Variants in INSL6 observed in about 807,000 individuals in gnomAD.
INSL6 encodes the protein insulin like 6, also known as insulin-like peptide INSL6.
Under a neutral mutation model 9.4 loss-of-function variants are expected in INSL6, and 16 were observed. The ratio of observed to expected loss-of-function variants is 1.70; its 90% confidence interval spans 1.15 to 2.59. INSL6 has a LOEUF of 2.59. Among genes scored for constraint, INSL6 ranks in the 30% most tolerant of loss-of-function variants. INSL6 has a pLI of 0.00. For missense variants in INSL6, 391 were observed against 257.3 expected, an observed-to-expected ratio of 1.52 and a Z score of -3.56; for synonymous variants, 154 against 96.9, an observed-to-expected ratio of 1.59 and a Z score of -3.46.
chr9:5,107,180 T>C, the INSL6 span, among the ~76,000 whole-genome samples: 48 of 152,250 alleles, frequency 3.2e-4, 1 homozygote, highest in African/African-American at 6.0e-4. Flanking sequence ...AAGAGTACCA[T>C]TGACTTCCAA....
the INSL6 span, chr9:5,072,518 T>C: frequency 5.0e-6 from 8 of 1,596,676 alleles, no homozygotes; most frequent in Non-Finnish European, 5.1e-6. Context: ...AAGGCACTTT[T>C]ACAAAGATTT....
rs759236184 is a variant in INSL6 at position 5,185,533 on chromosome 9, T to G, written c.70A>C (p.Ser24Arg). ...LLLVRFSREL[S>R]DISSARKLCG... ...AGCTTCCTGGCACTGCTGATGTCGC[T>G]CAGTTCACGAGAAAACCGAACCAGC... The change falls in exon 1 of 2, where the codon AGC becomes CGC. Residue 24 changes from serine to arginine, a missense_variant. Transcript: ENST00000381641. The G allele has an allele frequency of 6.2e-7, 1 of 1,614,106 alleles. No individual in the cohort carries two copies. The highest frequency in any genetic ancestry group is 8.5e-7 in the Non-Finnish European group (1 of 1,180,004).
At chr9:5,149,453 G>C (rs1024756653) in intron 2 of INSL6, among the ~76,000 whole-genome samples, 7 of 152,110 alleles carry the variant, frequency 4.6e-5, no homozygotes, top group Non-Finnish European at 7.3e-5. Context: ...CACCAATAAT[G>C]ATCAAGCTGA....
the INSL6 span, chr9:5,097,649 G>T: frequency 1.3e-5 from 2 of 152,154 alleles, no homozygotes; most frequent in African/African-American, 4.8e-5. Context: ...CTGCGTGGTG[G>T]TAACATCAAA....
intron 2 of INSL6, among the ~76,000 whole-genome samples, chr9:5,143,069 T>C (rs992809765): frequency 2.0e-5 from 3 of 152,176 alleles, no homozygotes; most frequent in African/African-American, 7.2e-5. Flanking sequence ...GATTAGCTTT[T>C]TGATGTGCTG....
chr9:5,078,262 C>A, the INSL6 span: 1 of 1,548,462 alleles, frequency 6.5e-7, no homozygotes, highest in Non-Finnish European at 8.9e-7. Flanking sequence ...TGCTCCAGTA[C>A]TTGTGGACTG....
chr9:5,004,918 C>CTTT, the INSL6 span, among the ~76,000 whole-genome samples: 282 of 131,344 alleles, frequency 2.1e-3, 3 homozygotes, highest in African/African-American at 7.4e-3. Context: ...TACATATTGT[C>CTTT]TTTTTTTTTT....
At chr9:5,067,299 A>G in the INSL6 span, among the ~76,000 whole-genome samples, 1 of 152,138 alleles carries the variant, frequency 6.6e-6, no homozygotes, top group Non-Finnish European at 1.5e-5. Flanking sequence ...TGCATGTTTC[A>G]ACGGTAAAAC....
chr9:5,185,298 C>T lies in INSL6; in HGVS notation c.289+16G>A, dbSNP rs373898403. ...ATACAGAGGTGAACAAACATGCCTT[C>T]GGTTTCGATTTTTACCTGGGTTTGT... On this transcript the variant is annotated intron_variant, in intron 1 of 1. Coordinates refer to ENST00000381641, the MANE Select transcript of INSL6 (RefSeq NM_007179.3). 3.0e-5 allele frequency: 48 copies of T among 1,613,930 alleles called. No individual in the cohort carries two copies. Among genetic ancestry groups the T allele is most frequent in the Middle Eastern group, 1.6e-4 (1 of 6,084 alleles).
chr9:5,011,080 A>C, the INSL6 span, among the ~76,000 whole-genome samples: 3 of 152,206 alleles, frequency 2.0e-5, no homozygotes, highest in African/African-American at 7.2e-5. Flanking sequence ...TTTGGCTATA[A>C]TGTGACTTAA....
chr9:5,064,886 A>G, the INSL6 span: 1 of 1,571,838 alleles, frequency 6.4e-7, no homozygotes, highest in Non-Finnish European at 8.6e-7. Context: ...TGCTTAGGAA[A>G]TTGAACTTAG....
intron 3 of INSL6, among the ~76,000 whole-genome samples, chr9:5,130,476 T>A (rs1220132939): frequency 1.3e-5 from 2 of 152,182 alleles, no homozygotes; most frequent in Non-Finnish European, 2.9e-5. Context: ...AAATTATCAG[T>A]TGCAGATGAT....
downstream of INSL6, among the ~76,000 whole-genome samples, chr9:5,160,652 A>T (rs1190293561): frequency 2.6e-5 from 4 of 152,274 alleles, no homozygotes; most frequent in East Asian, 7.7e-4. Flanking sequence ...ACGAAACACA[A>T]AGTTGGTTTT....
At chr9:5,014,168 T>C in the INSL6 span, among the ~76,000 whole-genome samples, 6 of 148,828 alleles carry the variant, frequency 4.0e-5, no homozygotes, top group East Asian at 1.9e-4. Flanking sequence ...CTCTTTCTTT[T>C]TTTTTTTTTT....
chr9:5,022,053 TG>T, the INSL6 span: 1 of 1,614,090 alleles, frequency 6.2e-7, no homozygotes, highest in Non-Finnish European at 8.5e-7. Flanking sequence ...TATATCAGAA[TG>T]GTGATATTTC....
At chr9:5,097,434 T>C in the INSL6 span, 2 of 152,186 alleles carry the variant, frequency 1.3e-5, no homozygotes, top group Non-Finnish European at 2.9e-5. Flanking sequence ...TCGTGACGTA[T>C]TACTCTGGAA....
the INSL6 span, among the ~76,000 whole-genome samples, chr9:5,022,378 A>G: frequency 6.6e-6 from 1 of 152,148 alleles, no homozygotes; most frequent in Non-Finnish European, 1.5e-5. Context: ...ACTGGAGTAC[A>G]ATTTATGGTG....
chr9:5,037,964 A>G, the INSL6 span, among the ~76,000 whole-genome samples: 45 of 152,364 alleles, frequency 3.0e-4, no homozygotes, highest in East Asian at 6.0e-3. Flanking sequence ...CCATTTAACA[A>G]TTACTTAATG....
intron 3 of INSL6, among the ~76,000 whole-genome samples, chr9:5,128,630 T>C (rs1201222939): frequency 6.6e-6 from 1 of 151,940 alleles, no homozygotes; most frequent in Non-Finnish European, 1.5e-5. Flanking sequence ...CTTCATCTTT[T>C]AGTTTTATAT....
Sources: allele counts gnomAD v4.1 joint callset (sites outside exome capture counted in the v4.1 genomes callset), GRCh38; gene constraint gnomAD v4.1.1; transcripts MANE v1.5; gene names NCBI Gene and HGNC (gene_info 2026-07-23, HGNC 2026-07-21).